C6: variants seen among roughly 807,000 people sequenced by gnomAD.
The protein encoded by C6 is complement C6.
In C6, 101 loss-of-function variants were observed where a neutral mutation model predicts 112.9. The observed-to-expected ratio is 0.89, with a 90% CI of 0.76 to 1.06. The LOEUF is 1.06. Ranked by LOEUF, C6 falls within the 50% of genes least tolerant of loss-of-function variation. The probability of loss-of-function intolerance (pLI) is 0.00; values close to 1 mark genes in which losing one functional copy is unlikely to be tolerated. For missense variants in C6, 1,202 were observed against 1,104.6 expected (o/e 1.09, Z -1.25); for synonymous variants, 431 against 384.1 (o/e 1.12, Z -1.43).
chr5:41,158,870 T>C (rs913642567), intron 12 of C6, 85 bp from the exon 13 acceptor site: 1 of 991,550 alleles, frequency 1.0e-6, no homozygotes, highest in African/African-American at 1.6e-5. Context: ...TATACATGTG[T>C]ACACATTGCA....
At position 41,254,330 on chromosome 5, in the gene C6, C is replaced by T. The variant is rs551891406; in HGVS notation, c.-21+6864G>A. 1.7e-4 allele frequency among the ~76,000 whole-genome samples: 26 copies of T among 152,192 alleles called. No homozygotes were observed. The South Asian group carries it at 5.0e-3, about 29-fold the overall frequency. ...CTGAGGCAGGAGAATGGCGTGAACC[C>T]AGGAGGTGGAGCTTGCAGTGAGCCG... On this transcript the variant is annotated intron_variant, in intron 1 of 17. Transcript: ENST00000263413.
At chr5:41,236,288 C>G (rs1173675116) in intron 1 of C6, among the ~76,000 whole-genome samples, 1 of 128,010 alleles carries the variant, frequency 7.8e-6, no homozygotes, top group Non-Finnish European at 1.6e-5. Context: ...TTTCAGCTTT[C>G]TACATATGGC....
At chr5:41,219,693 A>G (rs1739045623) in intron 1 of C6, among the ~76,000 whole-genome samples, 5 of 152,202 alleles carry the variant, frequency 3.3e-5, no homozygotes, top group Admixed American at 3.3e-4. Context: ...TACAAGGCAA[A>G]GAAAGACATG....
rs1308586957 is a variant in C6, at chr5:41,142,367, C to G, written c.*458G>C. 5.2e-6 allele frequency: 1 copy of G among 192,254 alleles called. No homozygotes were observed. Among genetic ancestry groups the G allele is most frequent in the Admixed American group, 5.3e-5 (1 of 18,966 alleles). 11.9% of individuals were successfully genotyped at this position (192,254 alleles called of 1,614,324 possible). On this transcript the variant is annotated 3_prime_UTR_variant, in exon 18 of 18. Transcript: ENST00000337836. ...AGGACTTTGGTCAGTACTTGACATC[C>G]TGTATACACACTCAGAAATTATTTG...
chr5:41,257,670 C>A (rs1741804217), intron 1 of C6, among the ~76,000 whole-genome samples: 1 of 152,138 alleles, frequency 6.6e-6, no homozygotes. Context: ...AAGCCACAAA[C>A]AACCATATCA....
chr5:41,142,287 T>C lies in C6; in HGVS notation c.*538A>G, dbSNP rs1454974656. The C allele has an allele frequency of 6.3e-6, 1 of 158,190 alleles. No individual in the cohort carries two copies. Among genetic ancestry groups the C allele is most frequent in the Non-Finnish European group, 1.4e-5 (1 of 71,098 alleles). 9.8% of individuals were successfully genotyped at this position (158,190 alleles called of 1,614,324 possible). A position where few individuals can be genotyped will look rare whatever the true frequency, so the allele number is the denominator to read the frequency against. ...TTTTGTGTGTCTACCCCTGAATGAA[T>C]GTATGCTTCATGAAGGCAAAGGCTT... On this transcript the variant is annotated 3_prime_UTR_variant, in exon 18 of 18. Coordinates refer to ENST00000337836, the MANE Select transcript of C6 (RefSeq NM_000065.5).
In C6 at chr5:41,226,355, C is replaced by T. The variant is rs146369067; in HGVS notation, c.-20-23105G>A. 1.2e-3 allele frequency among the ~76,000 whole-genome samples: 185 copies of T among 152,244 alleles called. 1 individual carries two copies. Among genetic ancestry groups the T allele is most frequent in the African/African-American group, 4.3e-3 (180 of 41,568 alleles). Reference sequence around the variant, plus strand: ...CAGCCAGAAGACACATGGAAAAATGCTCATCATCACTGGCCATCAGAGAAA... The same window carrying T: ...CAGCCAGAAGACACATGGAAAAATGTTCATCATCACTGGCCATCAGAGAAA... On this transcript the variant is annotated intron_variant, in intron 1 of 17. Coordinates refer to the C6 transcript ENST00000263413.
chr5:41,187,264 C>G (rs1450966327), intron 5 of C6, among the ~76,000 whole-genome samples: 1 of 152,152 alleles, frequency 6.6e-6, no homozygotes, highest in Non-Finnish European at 1.5e-5. Flanking sequence ...CAAGGGAACT[C>G]TAAACATCCT....
At chr5:41,226,964 T>C (rs1000600775) in intron 1 of C6, among the ~76,000 whole-genome samples, 3 of 152,150 alleles carry the variant, frequency 2.0e-5, no homozygotes, top group African/African-American at 7.2e-5. Flanking sequence ...TTCCTTTGGA[T>C]GTATACTCAA....
chr5:41,224,138 A>C (rs1739340943), intron 1 of C6, among the ~76,000 whole-genome samples: 1 of 152,186 alleles, frequency 6.6e-6, no homozygotes, highest in South Asian at 2.1e-4. Context: ...AATCAAACTA[A>C]TTAACATATC....
intron 1 of C6, among the ~76,000 whole-genome samples, chr5:41,260,367 T>C (rs373007108): frequency 6.6e-6 from 1 of 151,920 alleles, no homozygotes; most frequent in Non-Finnish European, 1.5e-5. Context: ...TCAAACACGT[T>C]ATATCAAAAC....
intron 5 of C6, among the ~76,000 whole-genome samples, chr5:41,195,147 C>T (rs751869838): frequency 4.6e-5 from 7 of 152,328 alleles, no homozygotes; most frequent in East Asian, 1.9e-4. Flanking sequence ...CCTACCCACA[C>T]GTCACACAGC....
chr5:41,234,099 T>C (rs1740080546), intron 1 of C6, among the ~76,000 whole-genome samples: 3 of 152,054 alleles, frequency 2.0e-5, no homozygotes, highest in Admixed American at 1.3e-4. Context: ...CAAAACAAAT[T>C]ATATAATATT....
intron 6 of C6, among the ~76,000 whole-genome samples, chr5:41,183,077 T>C (rs1287954167): frequency 8.5e-5 from 13 of 152,242 alleles, no homozygotes; most frequent in Non-Finnish European, 4.4e-5. Flanking sequence ...TGATTTGCTA[T>C]AGCATTTTTC....
At chr5:41,206,123 C>T (rs1751416843) in intron 1 of C6, among the ~76,000 whole-genome samples, 1 of 151,670 alleles carries the variant, frequency 6.6e-6, no homozygotes, top group Non-Finnish European at 1.5e-5. Context: ...GAGTGGACCT[C>T]CAGCAAACTC....
intron 1 of C6, among the ~76,000 whole-genome samples, chr5:41,235,073 T>A (rs1221507826): frequency 5.5e-5 from 5 of 90,862 alleles, no homozygotes; most frequent in Admixed American, 3.7e-4. Flanking sequence ...TTTTTTTTTT[T>A]AATGTTTTTT....
chr5:41,174,316 T>C (rs1035448095), intron 8 of C6, among the ~76,000 whole-genome samples: 1 of 152,182 alleles, frequency 6.6e-6, no homozygotes, highest in Admixed American at 6.6e-5. Context: ...CCTCATCTCT[T>C]AAACCTCAGT....
intron 11 of C6, among the ~76,000 whole-genome samples, chr5:41,159,635 C>G (rs1445181502): frequency 6.8e-6 from 1 of 148,066 alleles, no homozygotes; most frequent in East Asian, 1.9e-4. Context: ...AGTATACATT[C>G]TTACTCCCAT....
At chr5:41,212,903 A>T (rs1752035139) in intron 1 of C6, 1 of 152,224 alleles carries the variant, frequency 6.6e-6, no homozygotes, top group Non-Finnish European at 1.5e-5. Context: ...GCAGTTCAGC[A>T]TATCTTACCC....
Sources: allele counts gnomAD v4.1 joint callset (sites outside exome capture counted in the v4.1 genomes callset), GRCh38; gene constraint gnomAD v4.1.1; transcripts MANE v1.5; gene names NCBI Gene and HGNC (gene_info 2026-07-23, HGNC 2026-07-21).